The following SVIL variants were observed in gnomAD, a reference collection of about 807,000 sequenced individuals.
SVIL encodes archvillin.
Under a neutral mutation model 240.4 loss-of-function variants are expected in SVIL, and 101 were observed. The ratio of observed to expected loss-of-function variants is 0.42; its 90% CI spans 0.36 to 0.50. SVIL has a LOEUF of 0.50. Ranked by LOEUF, SVIL falls within the 20% of genes least tolerant of loss-of-function variation. The pLI, the probability that SVIL is intolerant of heterozygous loss-of-function variation, is 0.01. For missense variants in SVIL, 2,512 were observed against 2,818.7 expected (o/e 0.89, Z 2.46); for synonymous variants, 999 against 1,100.0 (o/e 0.91, Z 1.82).
intron 2 of SVIL, among the ~76,000 whole-genome samples, chr10:29,566,914 G>A (rs1195056107): frequency 6.6e-6 from 1 of 152,218 alleles, no homozygotes; most frequent in Non-Finnish European, 1.5e-5. Context: ...AGGCCTTGGT[G>A]TCTCACTAGA....
rs1554870559 is a variant in SVIL, at chr10:29,597,351, CT to C, written c.-200-28040del. Among the ~76,000 whole-genome samples the C allele has an allele frequency of 2.8e-4, 43 of 151,630 alleles. No homozygotes were observed. In the South Asian group the frequency reaches 7.3e-3, roughly 26 times the overall value. Reference sequence around the variant, plus strand: ...TCCCAGGATCAAGGGTAAATGCCTCCTTTTTTTTTCTCTTGGGCCTTCAGGC... The same window carrying C: ...TCCCAGGATCAAGGGTAAATGCCTCCTTTTTTTTCTCTTGGGCCTTCAGGC... On this transcript the variant is annotated intron_variant, in intron 1 of 37. Coordinates refer to ENST00000355867, the MANE Select transcript of SVIL (RefSeq NM_021738.3).
At chr10:29,635,006 C>T (rs1958258109), upstream of SVIL, 1 of 152,102 alleles carries the variant, frequency 6.6e-6, no homozygotes, top group Non-Finnish European at 1.5e-5. Context: ...CTTTTATGGC[C>T]TGAACTCGAG....
At chr10:29,599,219 G>A (rs1234523574) in intron 1 of SVIL, among the ~76,000 whole-genome samples, 3 of 152,140 alleles carry the variant, frequency 2.0e-5, no homozygotes, top group African/African-American at 7.2e-5. Flanking sequence ...TAAGAGATGA[G>A]AGCGAGGAAC....
intron 27 of SVIL, among the ~76,000 whole-genome samples, chr10:29,482,287 G>T (rs987724995): frequency 6.6e-6 from 1 of 152,080 alleles, no homozygotes; most frequent in Non-Finnish European, 1.5e-5. Context: ...TTCCTTCTCA[G>T]TCTCCCAAAG....
intron 2 of SVIL, among the ~76,000 whole-genome samples, chr10:29,672,575 A>T (rs188114438): frequency 6.6e-6 from 1 of 152,302 alleles, no homozygotes; most frequent in East Asian, 1.9e-4. Flanking sequence ...TAAATAATAA[A>T]ATTACGCACA....
At position 29,484,723 on chromosome 10, in the gene SVIL, T is replaced by G. The variant is rs1207604892; in HGVS notation, c.4888A>C (p.Thr1630Pro). Residue 1630 changes from threonine to proline, a missense_variant, in exon 27 of 38, where the codon ACC (threonine) becomes CCC (proline). Around this residue, in one of 3 missense-constraint regions of SVIL, gnomAD observed 797 missense variants for 925.3 expected, o/e 0.86. Transcript: ENST00000355867. The surrounding 1 kb of genome is among the most constrained non-coding windows in gnomAD (Gnocchi z 4.7). ...ATGTCACAGTTCTCATAGTCAAAGG[T>G]TCCATTCCATAAGTGCTTTGCCAGC... ...FQLAKHLWNG[T>P]FDYENCDINP... The G allele has an allele frequency of 6.2e-7, 1 of 1,614,070 alleles. No homozygotes were observed. Among genetic ancestry groups the G allele is most frequent in the Non-Finnish European group, 8.5e-7 (1 of 1,179,980 alleles).
intron 6 of SVIL, among the ~76,000 whole-genome samples, chr10:29,547,583 G>A (rs1161156473): frequency 6.6e-6 from 1 of 152,106 alleles, no homozygotes; most frequent in African/African-American, 2.4e-5. Flanking sequence ...TGTCAACAAT[G>A]CTTTTTTCTA....
intron 13 of SVIL, 87 bp from the exon 14 acceptor site, chr10:29,524,802 A>T: frequency 6.4e-7 from 1 of 1,570,424 alleles, no homozygotes; most frequent in Non-Finnish European, 8.6e-7. Context: ...GCCAAGTGTC[A>T]CATCATTTTG....
chr10:29,735,990 G>C (rs752311369), upstream of SVIL, among the ~76,000 whole-genome samples: 6 of 152,176 alleles, frequency 3.9e-5, no homozygotes, highest in Admixed American at 1.3e-4. The surrounding 1 kb of genome is among the most constrained non-coding windows in gnomAD (Gnocchi z 4.1). Flanking sequence ...CACCAGGCGG[G>C]AGCACCCTCG....
intron 1 of SVIL, among the ~76,000 whole-genome samples, chr10:29,584,572 C>T (rs566965377): frequency 3.3e-5 from 5 of 152,290 alleles, no homozygotes; most frequent in South Asian, 2.1e-4. Flanking sequence ...CCACTCAGCC[C>T]GCTGCCACTG....
intron 7 of SVIL, among the ~76,000 whole-genome samples, chr10:29,535,396 T>C (rs1951672517): frequency 6.6e-6 from 1 of 152,240 alleles, no homozygotes; most frequent in Non-Finnish European, 1.5e-5. Flanking sequence ...AAAGTGACTG[T>C]CAGAAACTCT....
rs1329454546 is a variant in SVIL at position 29,472,307 on chromosome 10, A to G, written c.5530-1064T>C. On this transcript the variant is annotated intron_variant, in intron 30 of 37. Transcript: ENST00000355867. ...GCTATTAGGAATAAATTAAAATGCA[A>G]CTCTTGCCAGTACCATTTCTAAAAT... is the stretch of plus-strand genomic sequence containing the variant. 2.6e-5 allele frequency among the ~76,000 whole-genome samples: 4 copies of G among 152,302 alleles called. No individual in the cohort carries two copies. The South Asian group carries it at 6.2e-4, about 24-fold the overall frequency.
chr10:29,589,262 G>A (rs1429393970), intron 1 of SVIL, among the ~76,000 whole-genome samples: 3 of 152,244 alleles, frequency 2.0e-5, no homozygotes, highest in Non-Finnish European at 4.4e-5. Flanking sequence ...ATCATCGCCC[G>A]CACGGCCTCG....
intron 1 of SVIL, among the ~76,000 whole-genome samples, chr10:29,572,776 A>AAAAAAAAAG (rs1955496331): frequency 1.3e-5 from 2 of 150,192 alleles, no homozygotes; most frequent in African/African-American, 4.9e-5. Context: ...AAAAAAAAAA[A>AAAAAAAAAG]AAAAAGAAAA....
chr10:29,534,589 C>A (rs912369120), intron 7 of SVIL, among the ~76,000 whole-genome samples: 3 of 152,186 alleles, frequency 2.0e-5, no homozygotes, highest in Admixed American at 6.5e-5. Flanking sequence ...AAACTGACAT[C>A]CTTTTCAAAA....
At chr10:29,554,126 C>T (rs1953666537) in intron 5 of SVIL, among the ~76,000 whole-genome samples, 1 of 152,120 alleles carries the variant, frequency 6.6e-6, no homozygotes, top group African/African-American at 2.4e-5. Flanking sequence ...GCAGAGATGA[C>T]ATACATGTTG....
intron 1 of SVIL, among the ~76,000 whole-genome samples, chr10:29,730,696 G>C (rs1030774002): frequency 5.9e-5 from 9 of 152,228 alleles, no homozygotes; most frequent in African/African-American, 2.2e-4. Context: ...TGAATCATCA[G>C]GGGATCTGAA....
chr10:29,730,754 T>C (rs1288061304), intron 1 of SVIL, among the ~76,000 whole-genome samples: 2 of 152,150 alleles, frequency 1.3e-5, no homozygotes, highest in Non-Finnish European at 2.9e-5. Context: ...TCGAGGAGAT[T>C]TGGAGTCAGA....
chr10:29,482,790 G>C (rs901671604), intron 27 of SVIL: 2 of 152,258 alleles, frequency 1.3e-5, no homozygotes, highest in African/African-American at 4.8e-5. Flanking sequence ...TGCTGCAGAG[G>C]GCGTAGCCCT....
Sources: gnomAD v4.1 joint callset for allele counts (sites outside exome capture counted in the v4.1 genomes callset) on GRCh38, gnomAD v4.1.1 for gene constraint, gnomAD v4.1.1 regional missense constraint, Gnocchi (gnomAD v3.1) non-coding constraint, MANE v1.5 for transcripts, NCBI Gene and HGNC (gene_info 2026-07-23, HGNC 2026-07-21) for gene names.